Variants in QRICH1 observed in about 807,000 individuals in gnomAD.
QRICH1 encodes the protein transcriptional regulator QRICH1.
QRICH1 carries 16 observed loss-of-function variants against 87.1 expected under a neutral mutation model. The ratio of observed to expected loss-of-function variants is 0.18; its 90% CI spans 0.12 to 0.28. The LOEUF is 0.28. QRICH1 is among the 10% of genes least tolerant of loss of function. The pLI is 1.00. For synonymous variants in QRICH1, 367 were observed against 368.4 expected (o/e 1.00, Z 0.05); for missense variants, 647 against 951.7 (o/e 0.68, Z 4.21).
intron 1 of QRICH1, among the ~76,000 whole-genome samples, chr3:49,077,990 CA>C (rs1350733642): frequency 6.6e-6 from 1 of 152,178 alleles, no homozygotes; most frequent in Non-Finnish European, 1.5e-5. Flanking sequence ...GAAAAGTGTG[CA>C]ATCTGTGGAC....
At chr3:49,086,261 C>CT (rs1194960962) in intron 1 of QRICH1, among the ~76,000 whole-genome samples, 7,141 of 141,776 alleles carry the variant, frequency 0.05, 578 homozygotes, top group African/African-American at 0.17. Flanking sequence ...TTTTCTTTTT[C>CT]TTTTTTTTTT....
At chr3:49,082,722 T>C (rs1465834314) in intron 1 of QRICH1, among the ~76,000 whole-genome samples, 3 of 150,564 alleles carry the variant, frequency 2.0e-5, no homozygotes, top group Non-Finnish European at 3.0e-5. Flanking sequence ...GGTGAAACCC[T>C]GTCTCTACTA....
intron 3 of QRICH1, among the ~76,000 whole-genome samples, chr3:49,053,712 AT>A (rs1463985726): frequency 6.6e-6 from 1 of 152,156 alleles, no homozygotes; most frequent in Non-Finnish European, 1.5e-5. Context: ...GAACAGAAAA[AT>A]GGGGCCACAG....
rs1031584016 is a variant in QRICH1 at position 49,035,660 on chromosome 3, C to CA, written c.1787-2433dup. On this transcript the variant is annotated intron_variant, in intron 6 of 9. Coordinates refer to ENST00000395443, the MANE Select transcript of QRICH1 (RefSeq NM_198880.3). ...AATACAAAAACCTTAAAAAAAAAAA[C>CA]AAAAAAAAACAGCTGAGTGCAATGG... 3.0e-3 allele frequency among the ~76,000 whole-genome samples: 445 copies of CA among 146,544 alleles called. 2 individuals carry two copies. The highest frequency in any genetic ancestry group is 0.013 in the South Asian group (58 of 4,560).
At chr3:49,039,518 G>A (rs768505513) in intron 6 of QRICH1, among the ~76,000 whole-genome samples, 3 of 150,094 alleles carry the variant, frequency 2.0e-5, no homozygotes, top group South Asian at 4.2e-4. Context: ...CCAGCTACTC[G>A]GAGGCTGAGG....
chr3:49,032,175 A>G lies in QRICH1; in HGVS notation c.2138+8T>C. The G allele has an allele frequency of 3.1e-6, 5 of 1,601,136 alleles. No homozygotes were observed. Among genetic ancestry groups the G allele is most frequent in the Non-Finnish European group, 4.3e-6 (5 of 1,168,152 alleles). On this transcript the variant is annotated splice_region_variant and intron_variant, in intron 9 of 9. Transcript: ENST00000395443. ...ACACATGGACAGCAAGTCACAATAAAGCCTCACCATTTGAAGAGGTAGAAA... is the reference window on the plus strand; with the variant it reads ...ACACATGGACAGCAAGTCACAATAAGGCCTCACCATTTGAAGAGGTAGAAA...
chr3:49,067,595 T>C (rs2093475843), intron 2 of QRICH1, among the ~76,000 whole-genome samples: 3 of 150,928 alleles, frequency 2.0e-5, no homozygotes, highest in Non-Finnish European at 4.4e-5. Flanking sequence ...AGAAATTAAA[T>C]GTTATTTATA....
At chr3:49,036,580 CTG>C (rs1208195457) in intron 6 of QRICH1, among the ~76,000 whole-genome samples, 1 of 152,032 alleles carries the variant, frequency 6.6e-6, no homozygotes, top group Non-Finnish European at 1.5e-5. Context: ...ACGTTTAAAT[CTG>C]TAAGTTCACA....
chr3:49,091,217 C>T lies in QRICH1; in HGVS notation c.-22+2695G>A, dbSNP rs529442775. Among the ~76,000 whole-genome samples the T allele has an allele frequency of 2.6e-4, 40 of 152,036 alleles. 1 individual carries two copies. In the South Asian group the frequency reaches 7.1e-3, roughly 27 times the overall value. On this transcript the variant is annotated intron_variant, in intron 1 of 9. Coordinates refer to ENST00000395443, the MANE Select transcript of QRICH1 (RefSeq NM_198880.3). ...CAGCCCGGGCAACAGAGCGAGACTC[C>T]GTCTCAAAAAATAATAATAAAAATA...
intron 2 of QRICH1, among the ~76,000 whole-genome samples, chr3:49,072,669 T>A (rs1419418911): frequency 6.6e-6 from 1 of 152,052 alleles, no homozygotes; most frequent in East Asian, 1.9e-4. Flanking sequence ...AGTGGTCAAG[T>A]CAAATTTAAA....
At chr3:49,041,260 C>T (rs1292624549) in intron 6 of QRICH1, among the ~76,000 whole-genome samples, 1 of 151,952 alleles carries the variant, frequency 6.6e-6, no homozygotes, top group Admixed American at 6.6e-5. Flanking sequence ...CGTGAGCCAC[C>T]GCACCCAGCC....
intron 1 of QRICH1, among the ~76,000 whole-genome samples, chr3:49,085,736 C>A (rs1453453846): frequency 2.2e-5 from 3 of 139,428 alleles, no homozygotes; most frequent in South Asian, 4.5e-4. Context: ...CCGGCCTGGG[C>A]AACAAGGGCA....
chr3:49,056,622 T>C (rs755062081), intron 3 of QRICH1: 29 of 703,186 alleles, frequency 4.1e-5, no homozygotes, highest in Admixed American at 5.7e-5. Flanking sequence ...AAACCCAAAA[T>C]GTCTCCAAAA....
At chr3:49,041,583 C>A (rs1474427643) in intron 6 of QRICH1, among the ~76,000 whole-genome samples, 1 of 152,008 alleles carries the variant, frequency 6.6e-6, no homozygotes, top group African/African-American at 2.4e-5. Context: ...CCACCTCGGT[C>A]TCCCAAAGTG....
chr3:49,051,600 G>A (rs931800088), intron 3 of QRICH1, among the ~76,000 whole-genome samples: 4 of 7,720 alleles, frequency 5.2e-4, no homozygotes, highest in East Asian at 3.2e-3. Context: ...CCCCCCCTCC[G>A]CTTAATATAC....
intron 1 of QRICH1, among the ~76,000 whole-genome samples, chr3:49,092,071 CAA>C (rs35876222): frequency 1.0e-4 from 10 of 99,272 alleles, no homozygotes; most frequent in Admixed American, 1.1e-4. Context: ...GACTCCGTCT[CAA>C]AAAAAAAAAA....
intron 1 of QRICH1, among the ~76,000 whole-genome samples, chr3:49,091,797 C>T (rs892412335): frequency 1.3e-5 from 2 of 152,132 alleles, no homozygotes; most frequent in Admixed American, 6.5e-5. Flanking sequence ...TTTGGTCGGG[C>T]GCGGTGGCTC....
At chr3:49,032,020 G>C (rs970094588) in intron 9 of QRICH1, among the ~76,000 whole-genome samples, 163 bp downstream of exon 9, 1 of 152,228 alleles carries the variant, frequency 6.6e-6, no homozygotes, top group Admixed American at 6.5e-5. Flanking sequence ...CCTTTGGAAA[G>C]CCAGAGCAAG....
chr3:49,086,431 G>T (rs905980188), intron 1 of QRICH1, among the ~76,000 whole-genome samples: 10 of 151,820 alleles, frequency 6.6e-5, no homozygotes, highest in Middle Eastern at 3.4e-3. Context: ...TAATTTTTTT[G>T]TATTTTTAGT....
Sources: gnomAD v4.1 joint callset for allele counts (sites outside exome capture counted in the v4.1 genomes callset) on GRCh38, gnomAD v4.1.1 for gene constraint, MANE v1.5 for transcripts, NCBI Gene and HGNC (gene_info 2026-07-23, HGNC 2026-07-21) for gene names.